The following XKR5 variants were observed in gnomAD, a reference collection of about 807,000 sequenced individuals.
XKR5 encodes XK-related protein 5.
A neutral mutation model predicts 40.8 loss-of-function variants in XKR5; 46 were observed. That is an observed-to-expected ratio of 1.13 (90% CI 0.89 to 1.44). The LOEUF is 1.44. Among genes scored for constraint, XKR5 ranks in the 40% most tolerant of loss-of-function variants. The probability of loss-of-function intolerance (pLI) is 0.00; values close to 1 mark genes in which losing one functional copy is unlikely to be tolerated. For missense variants in XKR5, 1,169 were observed against 844.7 expected (o/e 1.38, Z -4.76); for synonymous variants, 466 against 356.1 (o/e 1.31, Z -3.48).
chr8:6,816,417 C>A (rs931413617), intron 5 of XKR5, among the ~76,000 whole-genome samples: 2 of 151,974 alleles, frequency 1.3e-5, no homozygotes, highest in South Asian at 2.1e-4. Flanking sequence ...CAGGTGGCAG[C>A]CGGAGACGGG....
chr8:6,833,032 G>A (rs1177276743), intron 1 of XKR5, 132 bp from the exon 2 acceptor site: 1 of 828,452 alleles, frequency 1.2e-6, no homozygotes, highest in African/African-American at 1.8e-5. Flanking sequence ...TGGCTGGGGA[G>A]TGACTGTCCC....
chr8:6,820,612 T>C (rs1489670800), intron 5 of XKR5, among the ~76,000 whole-genome samples: 1 of 152,218 alleles, frequency 6.6e-6, no homozygotes, highest in Admixed American at 6.5e-5. Flanking sequence ...TTGGGGATCA[T>C]GTTGGTTGGG....
intron 4 of XKR5, 129 bp downstream of exon 4, chr8:6,823,392 C>T (rs1804325108): frequency 2.1e-6 from 2 of 940,064 alleles, no homozygotes; most frequent in East Asian, 5.3e-5. Context: ...AAGCAAGATC[C>T]ATTCAGCAGA....
intron 3 of XKR5, among the ~76,000 whole-genome samples, chr8:6,824,349 G>C (rs998379611): frequency 1.3e-5 from 2 of 151,930 alleles, no homozygotes; most frequent in African/African-American, 2.4e-5. Flanking sequence ...GAGAAAAGGG[G>C]ATAGCAGGAG....
intron 2 of XKR5, among the ~76,000 whole-genome samples, chr8:6,827,302 G>C (rs1804539093): frequency 1.3e-5 from 2 of 152,150 alleles, no homozygotes; most frequent in South Asian, 2.1e-4. Flanking sequence ...TTCAATTTAA[G>C]AACTAGAGGT....
intron 2 of XKR5, among the ~76,000 whole-genome samples, chr8:6,831,152 G>C (rs1244716088): frequency 6.6e-6 from 1 of 152,202 alleles, no homozygotes; most frequent in African/African-American, 2.4e-5. Flanking sequence ...AGCCAAGTAA[G>C]ACCCAGAGCC....
rs199970175 is a variant in XKR5, at chr8:6,815,823, C to G, written c.903G>C (p.Leu301=). The change falls in exon 6 of 7, where the codon CTG becomes CTC. Residue 301 remains leucine, a synonymous_variant. Coordinates refer to ENST00000618742, the MANE Select transcript of XKR5 (RefSeq NM_207411.5). ...WTSLQTIAGV[L]SGFLIGSVSL... The stretch of plus-strand genomic sequence containing the variant: ...GGGACTTACCAATCAGAAATCCAGA[C>G]AGGACCCCAGCTATGGTCTGCAGGC... The G allele has an allele frequency of 6.9e-4, 1,107 of 1,603,138 alleles. No homozygotes were observed. The highest frequency in any genetic ancestry group is 9.0e-4 in the Non-Finnish European group (1,058 of 1,174,682).
intron 2 of XKR5, among the ~76,000 whole-genome samples, chr8:6,829,904 C>A (rs1004996570): frequency 2.3e-5 from 3 of 131,258 alleles, no homozygotes; most frequent in Non-Finnish European, 3.1e-5. Context: ...GTGATGCAAT[C>A]TCGGCTCACT....
chr8:6,824,690 C>T (rs921273832), intron 3 of XKR5, among the ~76,000 whole-genome samples: 4 of 151,744 alleles, frequency 2.6e-5, no homozygotes, highest in African/African-American at 9.7e-5. Flanking sequence ...GCCACCATGC[C>T]TGGCTAATTT....
chr8:6,833,288 C>T (rs1804856909), intron 1 of XKR5, among the ~76,000 whole-genome samples: 1 of 152,234 alleles, frequency 6.6e-6, no homozygotes, highest in African/African-American at 2.4e-5. Flanking sequence ...CCTAGCAAAG[C>T]GTCTGGCCTC....
chr8:6,833,154 C>G (rs1015651224), intron 1 of XKR5, among the ~76,000 whole-genome samples: 4 of 152,180 alleles, frequency 2.6e-5, no homozygotes, highest in Admixed American at 2.0e-4. Context: ...CCCATACCCC[C>G]GCAGAAGGCA....
chr8:6,821,821 C>T (rs1409229805), intron 5 of XKR5, 48 bp downstream of exon 5: 1 of 1,565,090 alleles, frequency 6.4e-7, no homozygotes, highest in Non-Finnish European at 8.7e-7. Flanking sequence ...ACACACCCCA[C>T]TTGCTGTATA....
In XKR5 at chr8:6,811,896, GC is replaced by G; in HGVS notation, c.1362del (p.Glu454AspfsTer12). On this transcript the variant is annotated frameshift_variant, in exon 7 of 7. Transcript: ENST00000618742. LOFTEE classifies it low-confidence loss of function (END_TRUNC). ...LQRKALSAQQ[E>X]LPSSSRDPST... is the part of the protein sequence containing the mutation. ...GAGGGGTCACGGGATGAGGATGGGA[GC>G]TCTTGCTGGGCAGACAAGGCCTTTC... 6.5e-7 allele frequency: 1 copy of G among 1,537,456 alleles called. No homozygotes were observed. Among genetic ancestry groups the G allele is most frequent in the Non-Finnish European group, 8.7e-7 (1 of 1,146,958 alleles).
In XKR5 at chr8:6,811,301, G is replaced by A. The variant is rs376966350; in HGVS notation, c.1958C>T (p.Thr653Ile). Residue 653 changes from threonine (T) to isoleucine (I), a missense_variant, in exon 7 of 7, where the codon ACT (threonine) becomes ATT (isoleucine). Physicochemically the swap from Thr to Ile is moderately conservative, Grantham distance 89. Transcript: ENST00000618742. ...GVWVSLPQLRTAHEPCLTSTP... is the reference protein window; with the variant it reads ...GVWVSLPQLRIAHEPCLTSTP... ...GGACGTGAGGCAGGGCTCATGGGCA[G>A]TCCTCAGCTGTGGCAATGACACCCA... The A allele has an allele frequency of 2.0e-6, 3 of 1,537,306 alleles. No homozygotes were observed. The highest frequency in any genetic ancestry group is 1.2e-5 in the South Asian group (1 of 84,060).
At chr8:6,815,674 A>T in intron 6 of XKR5, 133 bp downstream of exon 6, 1 of 627,560 alleles carries the variant, frequency 1.6e-6, no homozygotes, top group Non-Finnish European at 2.8e-6. Flanking sequence ...TGCCCCCCAC[A>T]TCGCAGTGAG....
At chr8:6,830,431 C>A (rs1160426284) in intron 2 of XKR5, among the ~76,000 whole-genome samples, 1 of 152,190 alleles carries the variant, frequency 6.6e-6, no homozygotes, top group Non-Finnish European at 1.5e-5. Flanking sequence ...CAAAGCTTTC[C>A]TCTATGGAAG....
Position 6,809,583 on chromosome 8 carries a change from C to A in XKR5, c.*1615G>T, listed in dbSNP as rs967407874. On this transcript the variant is annotated 3_prime_UTR_variant, in exon 7 of 7. Coordinates refer to ENST00000618742, the MANE Select transcript of XKR5 (RefSeq NM_207411.5). ...GGATTACCGGTGTGAGCCCCTGCAT[C>A]CGACCCAAAGTCTCGTTATCTTCAC... 3.3e-5 allele frequency: 5 copies of A among 152,170 alleles called. No homozygotes were observed. Among genetic ancestry groups the A allele is most frequent in the Non-Finnish European group, 5.9e-5 (4 of 68,066 alleles). 9.4% of individuals were successfully genotyped at this position (152,170 alleles called of 1,614,324 possible).
intron 1 of XKR5, among the ~76,000 whole-genome samples, chr8:6,833,358 C>G (rs1359628297): frequency 6.6e-6 from 1 of 152,218 alleles, no homozygotes; most frequent in East Asian, 1.9e-4. Context: ...CCCCTGTGGC[C>G]CGGCATGGTG....
chr8:6,814,282 C>G (rs1486683759), intron 6 of XKR5, among the ~76,000 whole-genome samples: 1 of 152,172 alleles, frequency 6.6e-6, no homozygotes, highest in Non-Finnish European at 1.5e-5. Context: ...AGCTGTGGTC[C>G]GTCCAAACCA....
Sources: gnomAD v4.1 joint callset for allele counts (sites outside exome capture counted in the v4.1 genomes callset) on GRCh38, gnomAD v4.1.1 for gene constraint, MANE v1.5 for transcripts, NCBI Gene and HGNC (gene_info 2026-07-23, HGNC 2026-07-21) for gene names.